ANO7: variants seen among roughly 807,000 people sequenced by gnomAD.
ANO7 encodes anoctamin 7.
ANO7 carries 114 observed loss-of-function variants against 115.8 expected under a neutral mutation model. That is an observed-to-expected ratio of 0.98 (90% CI 0.85 to 1.15). The LOEUF (loss-of-function observed/expected upper bound fraction) is 1.15. Among genes scored for constraint, ANO7 ranks in the 50% most tolerant of loss-of-function variants. The pLI, the probability that ANO7 is intolerant of heterozygous loss-of-function variation, is 0.00. For missense variants in ANO7, 1,302 were observed against 1,201.2 expected (o/e 1.08, Z -1.24); for synonymous variants, 550 against 498.2 (o/e 1.10, Z -1.38).
chr2:241,190,085 G>T lies in ANO7; in HGVS notation c.22G>T (p.Glu8Ter). 1 of 1,581,502 alleles carries T rather than the reference G, an allele frequency of 6.3e-7. No homozygotes were observed. The highest frequency in any genetic ancestry group is 8.6e-7 in the Non-Finnish European group (1 of 1,164,112). Reference protein sequence around the residue: MLRRRAQEEDSTVLIDVS... With the variant: MLRRRAQ ...CAGGATGCTGCGGCGACGGGCCCAG[G>T]AAGAGGACAGCACCGTCCTGATCGA... The change falls in exon 2 of 25, where the codon GAA becomes TAA. Residue 8 changes from glutamate to a stop codon, truncating the protein, a stop_gained. Coordinates refer to ENST00000674324, the MANE Select transcript of ANO7 (RefSeq NM_001370694.2). LOFTEE classifies it high-confidence loss of function.
chr2:241,211,369 C>T (rs746023253), intron 15 of ANO7, among the ~76,000 whole-genome samples: 7 of 152,300 alleles, frequency 4.6e-5, no homozygotes, highest in Admixed American at 3.3e-4. Flanking sequence ...CAAACACTTA[C>T]GACCAACCTA....
chr2:241,189,169 C>T (rs944561864), intron 1 of ANO7, among the ~76,000 whole-genome samples: 1 of 151,984 alleles, frequency 6.6e-6, no homozygotes, highest in African/African-American at 2.4e-5. Flanking sequence ...CCCCACAGTC[C>T]GTAGTGAGGC....
chr2:241,230,218 C>T, downstream of ANO7: 1 of 1,613,060 alleles, frequency 6.2e-7, no homozygotes, highest in South Asian at 1.1e-5. The surrounding 1 kb of genome is among the most constrained non-coding windows in gnomAD (Gnocchi z 5.0). Flanking sequence ...AGCCCCGTCA[C>T]AGTGACGCAG....
intron 3 of ANO7, among the ~76,000 whole-genome samples, chr2:241,194,579 A>G: frequency 6.6e-6 from 1 of 152,274 alleles, no homozygotes; most frequent in Middle Eastern, 3.4e-3. Flanking sequence ...CAGCCTCCCA[A>G]ATTGCTGGGA....
Position 241,207,668 on chromosome 2 carries a change from C to T in ANO7, c.1075C>T (p.Gln359Ter), listed in dbSNP as rs758700953. 9.3e-6 allele frequency: 15 copies of T among 1,613,550 alleles called. No individual in the cohort carries two copies. In the Admixed American group the frequency reaches 2.2e-4, roughly 23 times the overall value. The change falls in exon 11 of 25, where the codon CAG (glutamine) becomes TAG (stop). Residue 359 changes from glutamine to a stop codon, truncating the protein, a stop_gained and splice_region_variant. Transcript: ENST00000674324. LOFTEE classifies it high-confidence loss of function. ...WLLSSACALAQAGRLFDHGGT... is the reference protein window; with the variant it reads ...WLLSSACALA Reference sequence around the variant, plus strand: ...GCTCTCCAGCGCCTGTGCCCTGGCCCAGGTACGAGAAGAGGTGGGTGGGGT... The same window carrying T: ...GCTCTCCAGCGCCTGTGCCCTGGCCTAGGTACGAGAAGAGGTGGGTGGGGT...
downstream of ANO7, chr2:241,229,025 G>A (rs145584288): frequency 6.4e-6 from 1 of 155,360 alleles, no homozygotes; most frequent in East Asian, 1.9e-4. Context: ...GTCACCCTCT[G>A]CCTCTCAGGT....
intron 3 of ANO7, among the ~76,000 whole-genome samples, chr2:241,193,869 T>TTTTC (rs752168724): frequency 6.6e-6 from 1 of 152,196 alleles, no homozygotes; most frequent in Non-Finnish European, 1.5e-5. Context: ...TTAATTTCTC[T>TTTTC]TTTCTTTCTT....
chr2:241,206,218 G>A, intron 10 of ANO7, among the ~76,000 whole-genome samples: 1 of 24,554 alleles, frequency 4.1e-5, no homozygotes, highest in Non-Finnish European at 7.3e-5. Context: ...GCTGACACAG[G>A]TGGACAGGAG....
chr2:241,199,221 T>A, intron 4 of ANO7, 95 bp from the exon 5 acceptor site: 1 of 1,062,710 alleles, frequency 9.4e-7, no homozygotes, highest in Non-Finnish European at 1.5e-6. Context: ...GCTACAGAAA[T>A]GCCAGTCTTT....
At chr2:241,196,110 C>G (rs1162176660) in intron 4 of ANO7, 2 of 1,390,288 alleles carry the variant, frequency 1.4e-6, no homozygotes, top group South Asian at 1.7e-5. Context: ...AAAACTCTGA[C>G]ACTACCTTTG....
chr2:241,228,329 G>A (rs1358035447), downstream of ANO7: 2 of 152,394 alleles, frequency 1.3e-5, no homozygotes, highest in African/African-American at 4.8e-5. Flanking sequence ...CTCCCTCGGA[G>A]AGCAGGGTCT....
chr2:241,233,932 A>G, the ANO7 span: 1 of 1,614,196 alleles, frequency 6.2e-7, no homozygotes, highest in East Asian at 2.2e-5. The surrounding 1 kb of genome is among the most constrained non-coding windows in gnomAD (Gnocchi z 4.3). Flanking sequence ...TTTGGGGTCT[A>G]CAGTGACACT....
chr2:241,199,063 G>A (rs1574764592), intron 4 of ANO7: 8 of 480,266 alleles, frequency 1.7e-5, no homozygotes, highest in South Asian at 4.2e-5. Context: ...AGGTGACGCC[G>A]GTCCCAACAG....
At chr2:241,236,837 CAT>C in the ANO7 span, 5 of 1,537,534 alleles carry the variant, frequency 3.3e-6, no homozygotes, top group South Asian at 2.4e-5. Flanking sequence ...GTTCAGAATG[CAT>C]ATGTCTGTGA....
chr2:241,191,193 G>T lies in ANO7; in HGVS notation c.109-1G>T, dbSNP rs147629392. On this transcript the variant is annotated splice_acceptor_variant, in intron 2 of 24. Coordinates refer to ENST00000674324, the MANE Select transcript of ANO7 (RefSeq NM_001370694.2). LOFTEE classifies it high-confidence loss of function. ...GCTTCTCCATCCTCCATGCCTTCCA[G>T]CCAGGTGGACAGCAAGCGGCCGCCT... 7.7e-5 allele frequency: 125 copies of T among 1,613,782 alleles called. No individual in the cohort carries two copies. Among genetic ancestry groups the T allele is most frequent in the African/African-American group, 2.7e-5 (2 of 74,920 alleles).
chr2:241,222,913 C>T (rs577664939), intron 21 of ANO7, among the ~76,000 whole-genome samples: 2 of 152,298 alleles, frequency 1.3e-5, no homozygotes, highest in African/African-American at 4.8e-5. Context: ...GAAAATAAAG[C>T]ATCTGCCACC....
rs890718439 is a variant in ANO7, at chr2:241,217,733, G to A, written c.2020G>A (p.Ala674Thr). Residue 674 changes from alanine (A) to threonine (T), a missense_variant, in exon 20 of 25, where the codon GCG becomes ACG. Ala to Thr is a moderately conservative substitution (Grantham distance 58, BLOSUM62 0). Transcript: ENST00000674324. ...CATCTTCGTGGCCGCCTGTCCGCTC[G>A]CGCCGCTCTTCGCCCTGCTCAACAA... ...VTIFVAACPL[A>T]PLFALLNNWV... is the part of the protein sequence containing the mutation. 1 of 1,602,858 alleles carries A rather than the reference G, an allele frequency of 6.2e-7. No homozygotes were observed. Among genetic ancestry groups the A allele is most frequent in the Non-Finnish European group, 8.5e-7 (1 of 1,175,390 alleles).
In ANO7 at chr2:241,210,611, A is replaced by C. The variant is rs772596475; in HGVS notation, c.1561+41A>C. 374 of 1,557,524 alleles carry C rather than the reference A, an allele frequency of 2.4e-4. 1 individual carries two copies. The highest frequency in any genetic ancestry group is 1.3e-3 in the East Asian group (59 of 43,986). On this transcript the variant is annotated intron_variant, in intron 15 of 24. Transcript: ENST00000674324. ...CCGGCCAGGCACTGACCAGGGGCCC[A>C]CCCTGCCGGCCGCCAGCCAGAACGT...
chr2:241,191,582 C>T (rs2068204535), intron 3 of ANO7, among the ~76,000 whole-genome samples: 2 of 152,164 alleles, frequency 1.3e-5, no homozygotes, highest in Non-Finnish European at 1.5e-5. Context: ...TTATCTCTTG[C>T]ACTCCACCCC....
Sources: gnomAD v4.1 joint callset for allele counts (sites outside exome capture counted in the v4.1 genomes callset) on GRCh38, gnomAD v4.1.1 for gene constraint, Gnocchi (gnomAD v3.1) non-coding constraint, MANE v1.5 for transcripts, NCBI Gene and HGNC (gene_info 2026-07-23, HGNC 2026-07-21) for gene names.